The following NBPF11 variants were observed in gnomAD, a reference collection of about 807,000 sequenced individuals.
NBPF11 encodes the protein NBPF family member NBPF11.
In NBPF11, 72 loss-of-function variants were observed where a neutral mutation model predicts 93.9. The observed-to-expected ratio is 0.77, with a 90% CI of 0.63 to 0.93. The LOEUF (loss-of-function observed/expected upper bound fraction) is 0.93, where lower values mean the gene tolerates loss of function less well. Among genes scored for constraint, NBPF11 ranks in the 40% least tolerant of loss-of-function variants. The probability of loss-of-function intolerance (pLI) is 0.00; values close to 1 mark genes in which losing one functional copy is unlikely to be tolerated. For synonymous variants in NBPF11, 224 were observed against 304.9 expected (o/e 0.73, Z 2.76); for missense variants, 705 against 802.2 (o/e 0.88, Z 1.46).
chr1:148,120,390 T>A, intron 10 of NBPF11, 111 bp downstream of exon 10: 2 of 735,490 alleles, frequency 2.7e-6, no homozygotes, highest in Non-Finnish European at 5.0e-6. Flanking sequence ...TCTGTTTTCC[T>A]AGAAGTATGG....
intron 1 of NBPF11, among the ~76,000 whole-genome samples, chr1:148,151,240 AT>A (rs1648232466): frequency 1.3e-5 from 2 of 151,954 alleles, no homozygotes; most frequent in Non-Finnish European, 2.9e-5. Flanking sequence ...TGATTCAGTG[AT>A]CGCTACAAAC....
At chr1:148,129,209 C>T (rs2404368) in intron 4 of NBPF11, among the ~76,000 whole-genome samples, 1 of 143,204 alleles carries the variant, frequency 7.0e-6, no homozygotes, top group Non-Finnish European at 1.5e-5. Flanking sequence ...AATATATATA[C>T]ACACACGAAT....
chr1:148,104,142 G>C (rs1235458592), intron 23 of NBPF11, among the ~76,000 whole-genome samples: 3 of 133,082 alleles, frequency 2.3e-5, no homozygotes, highest in Non-Finnish European at 3.3e-5. Flanking sequence ...GACAGAGACA[G>C]AGACAGAGAG....
intron 13 of NBPF11, among the ~76,000 whole-genome samples, 169 bp from the exon 14 acceptor site, chr1:148,116,167 C>T (rs1464191978): frequency 6.6e-6 from 1 of 151,870 alleles, no homozygotes; most frequent in African/African-American, 2.4e-5. Flanking sequence ...TGCAACAGAG[C>T]ATGGCTGCCA....
At chr1:148,149,105 T>C in intron 1 of NBPF11, 4 of 1,507,432 alleles carry the variant, frequency 2.7e-6, no homozygotes. Context: ...CGCCCGCTGG[T>C]GGGAAGGGTG....
Position 148,122,263 on chromosome 1 carries a change from C to T in NBPF11, c.570G>A (p.Glu190=). ...CTTTGCTCTCTTCAGCCTTCTGCAC[C>T]TCCCTGATGAGCCAGGTGGGACAGA... ...EKVLESSAPR[E]VQKAEESKVP... The change falls in exon 9 of 24, where the codon GAG becomes GAA. Residue 190 remains glutamate (E), a synonymous_variant. Transcript: ENST00000682118. 6.2e-7 allele frequency: 1 copy of T among 1,610,176 alleles called. No individual in the cohort carries two copies. The highest frequency in any genetic ancestry group is 1.1e-5 in the South Asian group (1 of 90,944).
intron 16 of NBPF11, 43 bp downstream of exon 16, chr1:148,110,335 G>T: frequency 1.3e-6 from 2 of 1,568,346 alleles, no homozygotes; most frequent in Non-Finnish European, 1.8e-6. Flanking sequence ...GTCTACCTGG[G>T]CCATGAACTG....
intron 2 of NBPF11, among the ~76,000 whole-genome samples, chr1:148,141,379 A>G (rs60433633): frequency 0.12 from 18,566 of 151,834 alleles, 1,598 homozygotes; most frequent in African/African-American, 0.23. Context: ...AATAGGGGAA[A>G]TTGTGTGCTG....
intron 2 of NBPF11, among the ~76,000 whole-genome samples, chr1:148,138,456 G>A (rs1446716313): frequency 1.3e-5 from 2 of 151,196 alleles, no homozygotes; most frequent in African/African-American, 4.9e-5. Flanking sequence ...TATGACATGG[G>A]GAGAAACCTT....
intron 2 of NBPF11, among the ~76,000 whole-genome samples, chr1:148,141,791 A>G (rs1451785191): frequency 6.6e-6 from 1 of 151,730 alleles, no homozygotes; most frequent in Non-Finnish European, 1.5e-5. Context: ...GGCACCCACA[A>G]ATCAGAGGAG....
chr1:148,124,826 C>G, intron 6 of NBPF11, 73 bp downstream of exon 6: 1 of 1,552,176 alleles, frequency 6.4e-7, no homozygotes. Context: ...GTTCTTACTT[C>G]TCCCCGCCGA....
chr1:148,135,711 G>A lies in NBPF11; in HGVS notation c.-75C>T. ...TCACATTTGATCCCAACTGGCAGCT[G>A]CTTCTTGGCATTAACTTTGGATTCC... On this transcript the variant is annotated 5_prime_UTR_variant, in exon 4 of 24. It introduces an in-frame stop codon into an upstream open reading frame of the 5' UTR. Transcript: ENST00000682118. 2 of 696,538 alleles carry A rather than the reference G, an allele frequency of 2.9e-6. No individual in the cohort carries two copies. Among genetic ancestry groups the A allele is most frequent in the South Asian group, 1.6e-5 (1 of 63,030 alleles). 43.1% of individuals were successfully genotyped at this position (696,538 alleles called of 1,614,324 possible). A position where few individuals can be genotyped will look rare whatever the true frequency, so the allele number is the denominator to read the frequency against.
intron 23 of NBPF11, among the ~76,000 whole-genome samples, chr1:148,104,229 C>T (rs1335717053): frequency 2.8e-5 from 4 of 144,888 alleles, no homozygotes; most frequent in African/African-American, 1.1e-4. Context: ...GCCCTCATGA[C>T]ACACAGCAAA....
At chr1:148,144,595 T>C (rs1277324120) in intron 1 of NBPF11, among the ~76,000 whole-genome samples, 1 of 151,962 alleles carries the variant, frequency 6.6e-6, no homozygotes, top group Non-Finnish European at 1.5e-5. Context: ...AAAAAAATAA[T>C]AACAATAATG....
At chr1:148,148,861 G>A (rs1478497414) in intron 1 of NBPF11, among the ~76,000 whole-genome samples, 4 of 151,686 alleles carry the variant, frequency 2.6e-5, no homozygotes, top group Non-Finnish European at 4.4e-5. Context: ...AGGCGCCAGG[G>A]CCTCCCTTAC....
chr1:148,142,026 AAGGG>A (rs1443827380), intron 2 of NBPF11, among the ~76,000 whole-genome samples: 2 of 134,808 alleles, frequency 1.5e-5, no homozygotes, highest in Non-Finnish European at 3.2e-5. Flanking sequence ...GGAAGGAAGG[AAGGG>A]AGGGAGGAAG....
chr1:148,138,046 G>A (rs1671619799), intron 2 of NBPF11, among the ~76,000 whole-genome samples: 1 of 150,326 alleles, frequency 6.7e-6, no homozygotes, highest in African/African-American at 2.5e-5. Flanking sequence ...AGAGGGGGAT[G>A]TGGCAGGACA....
At position 148,110,300 on chromosome 1, in the gene NBPF11, G is replaced by A; in HGVS notation, c.1801+78C>T. On this transcript the variant is annotated intron_variant, in intron 16 of 23. Transcript: ENST00000682118. Reference sequence around the variant, plus strand: ...TGATGGCAACTCTCAGCCCAACCAGGGGCACAAGGCCCAAAGATTATGGGG... The same window carrying A: ...TGATGGCAACTCTCAGCCCAACCAGAGGCACAAGGCCCAAAGATTATGGGG... The A allele has an allele frequency of 1.9e-6, 3 of 1,549,188 alleles. 1 individual carries two copies. Among genetic ancestry groups the A allele is most frequent in the South Asian group, 1.1e-5 (1 of 89,238 alleles).
intron 14 of NBPF11, among the ~76,000 whole-genome samples, chr1:148,115,584 C>CACTTGCCTGGGGTCGAGTA (rs1553269344): frequency 6.6e-6 from 1 of 151,824 alleles, no homozygotes; most frequent in African/African-American, 2.4e-5. Context: ...GAGATTGTCA[C>CACTTGCCTGGGGTCGAGTA]ACTTGCCTGG....
Sources: gnomAD v4.1 joint callset for allele counts (sites outside exome capture counted in the v4.1 genomes callset) on GRCh38, gnomAD v4.1.1 for gene constraint, MANE v1.5 for transcripts, NCBI Gene and HGNC (gene_info 2026-07-23, HGNC 2026-07-21) for gene names.